The following SGIP1 variants were observed in gnomAD, a reference collection of about 807,000 sequenced individuals.
SGIP1 encodes the protein SH3GL interacting endocytic adaptor 1.
A neutral mutation model predicts 107.5 loss-of-function variants in SGIP1; 38 were observed. The observed-to-expected ratio is 0.35, with a 90% CI of 0.27 to 0.46. The LOEUF (loss-of-function observed/expected upper bound fraction) is 0.46. Among genes scored for constraint, SGIP1 ranks in the 20% least tolerant of loss-of-function variants. The pLI is 1.00. For missense variants in SGIP1, 929 were observed against 1,019.5 expected (o/e 0.91, Z 1.21); for synonymous variants, 365 against 366.1 (o/e 1.00, Z 0.03).
rs538241644 is a variant in SGIP1 at position 66,634,216 on chromosome 1, G to T, written c.99+1122G>T. On this transcript the variant is annotated intron_variant, in intron 3 of 24. Transcript: ENST00000371037. Reference sequence around the variant, plus strand: ...TGCTTCCGGCTTGGTCCCCTCCCTGGGTTCTCTGGTCCCCTCTGACCTTTG... The same window carrying T: ...TGCTTCCGGCTTGGTCCCCTCCCTGTGTTCTCTGGTCCCCTCTGACCTTTG... 9.2e-6 allele frequency: 13 copies of T among 1,418,540 alleles called. No homozygotes were observed. The East Asian group carries it at 1.7e-4, about 18-fold the overall frequency. The allele number at this position is 1,418,540 out of a possible 1,614,324, so 87.9% of individuals were successfully genotyped here.
chr1:66,644,739 G>A (rs1225530352), intron 7 of SGIP1, among the ~76,000 whole-genome samples: 2 of 152,164 alleles, frequency 1.3e-5, no homozygotes, highest in East Asian at 3.8e-4. Flanking sequence ...GCTTTCTTTA[G>A]TGTTTAATGC....
chr1:66,624,194 A>G (rs1159262766), intron 1 of SGIP1, among the ~76,000 whole-genome samples: 1 of 152,218 alleles, frequency 6.6e-6, no homozygotes, highest in Non-Finnish European at 1.5e-5. Context: ...AAGCTAAAAC[A>G]GAAGCAAAGA....
intron 1 of SGIP1, among the ~76,000 whole-genome samples, chr1:66,544,575 G>T (rs952134058): frequency 2.0e-5 from 3 of 152,164 alleles, no homozygotes; most frequent in Non-Finnish European, 4.4e-5. Flanking sequence ...TGTACTCCCA[G>T]CTAATCATGA....
intron 8 of SGIP1, among the ~76,000 whole-genome samples, chr1:66,661,464 G>T (rs1013845169): frequency 6.6e-6 from 1 of 152,068 alleles, no homozygotes; most frequent in East Asian, 1.9e-4. Context: ...GGAGGGAGGC[G>T]GAACAGAGAC....
intron 4 of SGIP1, among the ~76,000 whole-genome samples, chr1:66,638,957 T>C (rs916870664): frequency 6.6e-6 from 1 of 152,222 alleles, no homozygotes; most frequent in Admixed American, 6.5e-5. Flanking sequence ...CAACGTGATT[T>C]GTGTTTGTCG....
chr1:66,536,590 C>T (rs1398546482), intron 1 of SGIP1, among the ~76,000 whole-genome samples: 1 of 152,186 alleles, frequency 6.6e-6, no homozygotes, highest in Non-Finnish European at 1.5e-5. Flanking sequence ...TTCAACTTAA[C>T]TCATCTCTAG....
chr1:66,596,224 G>A (rs563861872), intron 1 of SGIP1, among the ~76,000 whole-genome samples: 3 of 151,958 alleles, frequency 2.0e-5, no homozygotes, highest in Non-Finnish European at 2.9e-5. Flanking sequence ...CTTGTACCAC[G>A]CCCAAGAAGA....
rs952330066 is a variant in SGIP1, at chr1:66,745,006, T to C, written c.*1911T>C. ...CTGAGAATTATCCAGCATATGAATA[T>C]AACAATGTGTTTTTAAGTAATCAAT... On this transcript the variant is annotated 3_prime_UTR_variant, in exon 25 of 25. Coordinates refer to ENST00000371037, the MANE Select transcript of SGIP1 (RefSeq NM_032291.4). 3 of 152,460 alleles carry C rather than the reference T, an allele frequency of 2.0e-5. No individual in the cohort carries two copies. The highest frequency in any genetic ancestry group is 4.8e-5 in the African/African-American group (2 of 41,432). 9.4% of individuals were successfully genotyped at this position (152,460 alleles called of 1,614,324 possible). A position where few individuals can be genotyped will look rare whatever the true frequency, so the allele number is the denominator to read the frequency against.
At chr1:66,640,805 C>T (rs1255663842) in intron 5 of SGIP1, among the ~76,000 whole-genome samples, 1 of 142,406 alleles carries the variant, frequency 7.0e-6, no homozygotes, top group Non-Finnish European at 1.5e-5. Flanking sequence ...ACTCTGAGAA[C>T]TGAAGAAGGA....
At chr1:66,638,401 T>C (rs1342576267) in intron 4 of SGIP1, among the ~76,000 whole-genome samples, 1 of 152,182 alleles carries the variant, frequency 6.6e-6, no homozygotes, top group East Asian at 1.9e-4. Context: ...ACTGAAGCAC[T>C]AATTCAATGA....
intron 15 of SGIP1, among the ~76,000 whole-genome samples, chr1:66,684,384 C>G (rs1262235556): frequency 6.6e-6 from 1 of 152,192 alleles, no homozygotes; most frequent in Non-Finnish European, 1.5e-5. Flanking sequence ...GTTACAGCAT[C>G]CATCTCCATC....
intron 1 of SGIP1, among the ~76,000 whole-genome samples, chr1:66,593,913 G>T (rs140678496): frequency 5.3e-5 from 8 of 152,178 alleles, no homozygotes; most frequent in East Asian, 1.9e-4. Context: ...ATACTTTAAA[G>T]AATATTTATC....
intron 1 of SGIP1, among the ~76,000 whole-genome samples, chr1:66,592,363 C>A (rs2063782426): frequency 6.6e-6 from 1 of 152,162 alleles, no homozygotes; most frequent in Non-Finnish European, 1.5e-5. Context: ...TCCTGCACAG[C>A]CCTAAATCCA....
rs17129058 is a variant in SGIP1 at position 66,538,977 on chromosome 1, T to C, written c.10+4609T>C. 5.7e-3 allele frequency among the ~76,000 whole-genome samples: 862 copies of C among 152,322 alleles called. 6 individuals are homozygous for C. Among genetic ancestry groups the C allele is most frequent in the African/African-American group, 0.02 (822 of 41,576 alleles). Reference sequence around the variant, plus strand: ...GTTTTAGATACTCATGACACTGGATTTTTCAATTATGTTCAATTTTACCCT... The same window carrying C: ...GTTTTAGATACTCATGACACTGGATCTTTCAATTATGTTCAATTTTACCCT... On this transcript the variant is annotated intron_variant, in intron 1 of 24. Transcript: ENST00000371037.
Position 66,695,436 on chromosome 1 carries a change from A to G in SGIP1, c.1573A>G (p.Asn525Asp). The G allele has an allele frequency of 5.6e-6, 9 of 1,614,022 alleles. No individual in the cohort carries two copies. The highest frequency in any genetic ancestry group is 7.6e-6 in the Non-Finnish European group (9 of 1,179,984). Residue 525 changes from asparagine (N) to aspartate (D), a missense_variant and splice_region_variant, in exon 18 of 25, where the codon AAT becomes GAT. By Grantham distance (23) the Asn-to-Asp change is conservative. This residue lies in a region of SGIP1 where 341 missense variants were observed against 430.9 expected (regional missense o/e 0.79). Transcript: ENST00000371037. ...LSAATTPTVE[N>D]EQPSLVWFDR... ...CGCTTCAACTCCTGGCCATACAGAG[A>G]ATGAACAGCCTTCCCTCGTTTGGTT...
intron 1 of SGIP1, among the ~76,000 whole-genome samples, chr1:66,606,667 AT>A (rs1458941822): frequency 6.6e-6 from 1 of 152,248 alleles, no homozygotes; most frequent in East Asian, 1.9e-4. Context: ...TAAGCAGCTC[AT>A]TTAGTATCTG....
intron 17 of SGIP1, among the ~76,000 whole-genome samples, chr1:66,693,803 G>A (rs1349102130): frequency 6.6e-6 from 1 of 152,120 alleles, no homozygotes; most frequent in African/African-American, 2.4e-5. Context: ...AGACACAGCT[G>A]GATACCATAG....
At chr1:66,631,055 GAAAGAA>G (rs1365428367) in intron 2 of SGIP1, among the ~76,000 whole-genome samples, 3 of 93,330 alleles carry the variant, frequency 3.2e-5, no homozygotes, top group African/African-American at 1.1e-4. Flanking sequence ...AAGAAAGAAA[GAAAGAA>G]AGAAAGAAAG....
At chr1:66,538,488 T>C (rs1185089289) in intron 1 of SGIP1, among the ~76,000 whole-genome samples, 5 of 152,180 alleles carry the variant, frequency 3.3e-5, no homozygotes, top group African/African-American at 9.6e-5. Context: ...CTAAAAAGAA[T>C]ATGGAGTCTT....
Sources: gnomAD v4.1 joint callset for allele counts (sites outside exome capture counted in the v4.1 genomes callset) on GRCh38, gnomAD v4.1.1 for gene constraint, gnomAD v4.1.1 regional missense constraint, MANE v1.5 for transcripts, NCBI Gene and HGNC (gene_info 2026-07-23, HGNC 2026-07-21) for gene names.